Variants in RIT2 observed in about 807,000 individuals in gnomAD.
RIT2 encodes the protein Ras like without CAAX 2.
RIT2 carries 24 observed loss-of-function variants against 23.7 expected under a neutral mutation model. The observed-to-expected ratio is 1.01, with a 90% CI of 0.73 to 1.43. The LOEUF is 1.43. Among genes scored for constraint, RIT2 ranks in the 40% most tolerant of loss-of-function variants. RIT2 has a pLI of 0.00. For synonymous variants in RIT2, 107 were observed against 91.1 expected (o/e 1.17, Z -0.99); for missense variants, 236 against 266.9 (o/e 0.88, Z 0.81).
At chr18:42,899,236 A>G (rs1908412541) in intron 4 of RIT2, among the ~76,000 whole-genome samples, 1 of 151,216 alleles carries the variant, frequency 6.6e-6, no homozygotes, top group Non-Finnish European at 1.5e-5. Flanking sequence ...CAGTGGGCAT[A>G]AGAATTAACC....
At chr18:42,959,464 A>G (rs1910048307) in intron 3 of RIT2, among the ~76,000 whole-genome samples, 1 of 152,224 alleles carries the variant, frequency 6.6e-6, no homozygotes, top group Non-Finnish European at 1.5e-5. Flanking sequence ...CTTCCACTCT[A>G]GATCCTAAAC....
chr18:42,989,877 T>C (rs1293769581), intron 2 of RIT2, among the ~76,000 whole-genome samples: 3 of 152,136 alleles, frequency 2.0e-5, no homozygotes. Flanking sequence ...TTTAGGTAAC[T>C]ATTTCATAGT....
intron 4 of RIT2, among the ~76,000 whole-genome samples, chr18:42,764,025 G>A (rs577741026): frequency 3.8e-4 from 58 of 152,222 alleles, no homozygotes; most frequent in African/African-American, 1.4e-3. Flanking sequence ...GCACATGACT[G>A]TATATCTGTT....
intron 2 of RIT2, among the ~76,000 whole-genome samples, chr18:42,995,085 A>G (rs1335479453): frequency 6.6e-6 from 1 of 152,080 alleles, no homozygotes; most frequent in East Asian, 1.9e-4. Context: ...GATCACACTT[A>G]GTTTATTGAT....
At chr18:42,934,406 T>C (rs1213661843) in intron 3 of RIT2, among the ~76,000 whole-genome samples, 1 of 152,038 alleles carries the variant, frequency 6.6e-6, no homozygotes, top group Non-Finnish European at 1.5e-5. Flanking sequence ...TTGGAAAAAA[T>C]AGGATTTCAT....
At chr18:43,091,465 A>C in intron 1 of RIT2, among the ~76,000 whole-genome samples, 1 of 152,076 alleles carries the variant, frequency 6.6e-6, no homozygotes, top group East Asian at 1.9e-4. Flanking sequence ...GTGATATTAA[A>C]ATGCTGAATA....
At chr18:43,096,399 A>G (rs1913554191) in intron 1 of RIT2, among the ~76,000 whole-genome samples, 1 of 151,872 alleles carries the variant, frequency 6.6e-6, no homozygotes, top group Non-Finnish European at 1.5e-5. Context: ...AAATGAGTCT[A>G]CATTTCAAGA....
intron 4 of RIT2, among the ~76,000 whole-genome samples, chr18:42,777,285 CAAA>C (rs71175922): frequency 7.8e-4 from 100 of 127,836 alleles, no homozygotes; most frequent in Non-Finnish European, 8.7e-4. Context: ...GTCTGGACTT[CAAA>C]AAAAAAAAAA....
chr18:42,848,384 A>T (rs1360737973), intron 4 of RIT2, among the ~76,000 whole-genome samples: 2 of 152,172 alleles, frequency 1.3e-5, no homozygotes, highest in African/African-American at 4.8e-5. Flanking sequence ...TCTCAATACA[A>T]GTTAAGTGAG....
chr18:42,821,099 T>C (rs966179056), intron 4 of RIT2, among the ~76,000 whole-genome samples: 10 of 152,160 alleles, frequency 6.6e-5, no homozygotes, highest in African/African-American at 2.2e-4. Context: ...CCATGCTTTC[T>C]GTACAGCCTA....
intron 4 of RIT2, among the ~76,000 whole-genome samples, chr18:42,752,797 G>A (rs1449823023): frequency 1.3e-5 from 2 of 152,080 alleles, no homozygotes; most frequent in Admixed American, 6.6e-5. Context: ...TTATTTTAGG[G>A]GTAAGAAGCA....
intron 2 of RIT2, among the ~76,000 whole-genome samples, chr18:43,012,971 G>A (rs12966650): frequency 1.0e-3 from 156 of 151,818 alleles, no homozygotes; most frequent in Admixed American, 2.4e-3. Flanking sequence ...TCCAATGTCT[G>A]TTGATAGTAA....
At chr18:42,876,865 G>A (rs537164002) in intron 4 of RIT2, among the ~76,000 whole-genome samples, 1 of 151,658 alleles carries the variant, frequency 6.6e-6, no homozygotes, top group Non-Finnish European at 1.5e-5. Flanking sequence ...TAAAATATTT[G>A]ATGTTAAGTT....
rs1436188987 is a variant in RIT2 at position 42,813,756 on chromosome 18, A to C, written c.427-70036T>G. On this transcript the variant is annotated intron_variant, in intron 4 of 4. Transcript: ENST00000326695. ...CAGCTCTGACTCAGGCGGACAGAGC[A>C]GCATGTGGAGGCTTGCGTCATGATA... 2.0e-5 allele frequency among the ~76,000 whole-genome samples: 3 copies of C among 152,228 alleles called. No homozygotes were observed. The East Asian group carries it at 5.8e-4, about 29-fold the overall frequency.
chr18:42,827,202 C>G (rs1906320806), intron 4 of RIT2, among the ~76,000 whole-genome samples: 1 of 152,182 alleles, frequency 6.6e-6, no homozygotes, highest in Middle Eastern at 3.4e-3. Flanking sequence ...CAGCATAAGA[C>G]TGTGTTATAT....
chr18:42,745,292 A>C (rs909853398), intron 4 of RIT2, among the ~76,000 whole-genome samples: 3 of 152,120 alleles, frequency 2.0e-5, no homozygotes, highest in East Asian at 1.9e-4. Context: ...AAGAAAAAAA[A>C]CCTTCATTAT....
chr18:43,105,114 G>C, intron 1 of RIT2, among the ~76,000 whole-genome samples: 1 of 150,514 alleles, frequency 6.6e-6, no homozygotes, highest in African/African-American at 2.5e-5. Flanking sequence ...GTGTGTGTGT[G>C]TGTGTGTGTG....
At chr18:43,035,263 C>T (rs964936844) in intron 1 of RIT2, among the ~76,000 whole-genome samples, 3 of 152,188 alleles carry the variant, frequency 2.0e-5, no homozygotes, top group African/African-American at 7.2e-5. Context: ...GAAGTCTCTA[C>T]ATATAAGTAT....
At chr18:42,831,493 T>C (rs1450163801) in intron 4 of RIT2, among the ~76,000 whole-genome samples, 1 of 152,184 alleles carries the variant, frequency 6.6e-6, no homozygotes, top group Admixed American at 6.5e-5. Flanking sequence ...TTGGGCACAT[T>C]TGCCTTGGTA....
Sources: allele counts gnomAD v4.1 joint callset (sites outside exome capture counted in the v4.1 genomes callset), GRCh38; gene constraint gnomAD v4.1.1; transcripts MANE v1.5; gene names NCBI Gene and HGNC (gene_info 2026-07-23, HGNC 2026-07-21).